Variants in HUNK observed in about 807,000 individuals in gnomAD.
The protein encoded by HUNK is hormonally up-regulated neu tumor-associated kinase.
Under a neutral mutation model 61.0 loss-of-function variants are expected in HUNK, and 21 were observed. That is an observed-to-expected ratio of 0.34 (90% CI 0.24 to 0.50). HUNK has a LOEUF of 0.50. HUNK is among the 20% of genes least tolerant of loss of function. The pLI is 0.98. For synonymous variants in HUNK, 371 were observed against 386.1 expected (o/e 0.96, Z 0.46); for missense variants, 772 against 945.7 (o/e 0.82, Z 2.41).
At chr21:31,917,691 AACATACACACACACACACAC>A (rs1178241811) in intron 1 of HUNK, among the ~76,000 whole-genome samples, 1,329 of 54,640 alleles carry the variant, frequency 0.024, 25 homozygotes, top group African/African-American at 0.074. Context: ...CCCATTCCCA[AACATACACACACACACACAC>A]ACACACACAC....
chr21:31,932,124 CAT>C (rs2052702376), intron 2 of HUNK, among the ~76,000 whole-genome samples: 3 of 152,238 alleles, frequency 2.0e-5, no homozygotes, highest in Admixed American at 2.0e-4. Context: ...GTCACATGAA[CAT>C]GTGCTCACAC....
chr21:31,988,385 C>T (rs2053148153), intron 8 of HUNK, among the ~76,000 whole-genome samples: 1 of 152,184 alleles, frequency 6.6e-6, no homozygotes, highest in African/African-American at 2.4e-5. Context: ...TAGGAGGTCT[C>T]CTCTGCAATG....
intron 1 of HUNK, among the ~76,000 whole-genome samples, chr21:31,905,741 TC>T (rs1330958014): frequency 6.6e-6 from 1 of 152,184 alleles, no homozygotes; most frequent in African/African-American, 2.4e-5. Context: ...CATGAATAAA[TC>T]AGGGCAGAGT....
At chr21:31,874,337 C>CGG (rs571520534) in intron 1 of HUNK, among the ~76,000 whole-genome samples, 229 of 39,722 alleles carry the variant, frequency 5.8e-3, no homozygotes, top group African/African-American at 0.016. Flanking sequence ...TGTCGGGGGG[C>CGG]GGGGGGGGCA....
intron 1 of HUNK, among the ~76,000 whole-genome samples, chr21:31,915,087 C>T (rs181078212): frequency 2.0e-3 from 294 of 150,118 alleles, no homozygotes; most frequent in Non-Finnish European, 3.5e-3. Context: ...TGCTTAGTAT[C>T]CAGTGGAGCA....
At chr21:31,946,333 T>C (rs766070253) in intron 4 of HUNK, among the ~76,000 whole-genome samples, 162 bp downstream of exon 4, 11 of 152,186 alleles carry the variant, frequency 7.2e-5, no homozygotes, top group Non-Finnish European at 1.6e-4. Context: ...CTGTTCCTTC[T>C]GTTTTTTTCT....
intron 1 of HUNK, among the ~76,000 whole-genome samples, chr21:31,897,827 C>A (rs995888560): frequency 6.6e-6 from 1 of 152,112 alleles, no homozygotes; most frequent in Admixed American, 6.5e-5. Context: ...GTTTCTTGGG[C>A]TTTGGGTGGA....
At chr21:31,909,505 C>T (rs1367683721) in intron 1 of HUNK, among the ~76,000 whole-genome samples, 2 of 152,142 alleles carry the variant, frequency 1.3e-5, no homozygotes, top group African/African-American at 4.8e-5. Flanking sequence ...GTTAGCATCG[C>T]CAAGATCAGT....
rs368447459 is a variant in HUNK, at chr21:31,953,764, G to A, written c.747-5079G>A. 3.9e-5 allele frequency among the ~76,000 whole-genome samples: 6 copies of A among 152,308 alleles called. No homozygotes were observed. The East Asian group carries it at 1.2e-3, about 29-fold the overall frequency. On this transcript the variant is annotated intron_variant, in intron 4 of 10. Coordinates refer to ENST00000270112, the MANE Select transcript of HUNK (RefSeq NM_014586.2). ...ATGGATGAGAGACCCTAGGATGAGA[G>A]AGGTGGGTCCTCTTTAAGGATTTGT...
At chr21:31,883,030 T>G (rs752202450) in intron 1 of HUNK, among the ~76,000 whole-genome samples, 5 of 152,108 alleles carry the variant, frequency 3.3e-5, no homozygotes, top group Admixed American at 6.5e-5. Context: ...TTTTTTTTTT[T>G]TTGTTATTCT....
chr21:31,932,299 ATG>A (rs2052703927), intron 2 of HUNK, among the ~76,000 whole-genome samples: 1 of 151,936 alleles, frequency 6.6e-6, no homozygotes, highest in Admixed American at 6.5e-5. Flanking sequence ...GATCACCTGT[ATG>A]TTTGTCATGG....
Position 31,958,929 on chromosome 21 carries a change from T to G in HUNK, c.833T>G (p.Val278Gly), listed in dbSNP as rs994241098. ...CTGAGGGCTTTGTACCAGAAGATGG[T>G]AGACAAAGAAATGAACCCCCTCCCC... Reference protein sequence around the residue: ...FSLRALYQKMVDKEMNPLPTQ... With the variant: ...FSLRALYQKMGDKEMNPLPTQ... The change falls in exon 5 of 11, where the codon GTA (valine) becomes GGA (glycine). Residue 278 changes from valine to glycine, a missense_variant. This residue lies in a region of HUNK where 359 missense variants were observed against 501.3 expected (regional missense o/e 0.72). Transcript: ENST00000270112. 2 of 1,610,028 alleles carry G rather than the reference T, an allele frequency of 1.2e-6. No individual in the cohort carries two copies. Among genetic ancestry groups the G allele is most frequent in the Non-Finnish European group, 1.7e-6 (2 of 1,178,634 alleles).
intron 2 of HUNK, among the ~76,000 whole-genome samples, chr21:31,935,153 C>T (rs1453732090): frequency 6.6e-6 from 1 of 152,174 alleles, no homozygotes; most frequent in Non-Finnish European, 1.5e-5. Context: ...CCACAGTGAA[C>T]TGCCTGAGTG....
chr21:31,936,111 C>T (rs977312914), intron 2 of HUNK, among the ~76,000 whole-genome samples: 2 of 152,124 alleles, frequency 1.3e-5, no homozygotes, highest in Admixed American at 6.5e-5. Flanking sequence ...TTCTTTTTAT[C>T]ACTGAATATG....
intron 1 of HUNK, among the ~76,000 whole-genome samples, chr21:31,886,689 C>T (rs916502487): frequency 1.1e-4 from 17 of 150,886 alleles, no homozygotes; most frequent in South Asian, 2.1e-4. Flanking sequence ...GAGACAGTTC[C>T]GCTCTTGTTG....
At chr21:31,879,183 C>T (rs986178859) in intron 1 of HUNK, among the ~76,000 whole-genome samples, 1 of 152,182 alleles carries the variant, frequency 6.6e-6, no homozygotes, top group Admixed American at 6.5e-5. Flanking sequence ...ATTTCTGAAA[C>T]AAACAGGTGC....
chr21:31,975,693 A>G (rs985170161), intron 7 of HUNK, among the ~76,000 whole-genome samples: 4 of 152,204 alleles, frequency 2.6e-5, no homozygotes, highest in Non-Finnish European at 5.9e-5. Flanking sequence ...ATAGCCCAAT[A>G]TGTCACCAAA....
rs375863637 is a variant in HUNK, at chr21:31,973,388, TG to T, written c.1011-1166del. On this transcript the variant is annotated intron_variant, in intron 6 of 10. Transcript: ENST00000270112. ...GTTCTTATTGTTCAATTCCCACCTATGAGTGAGAAGATGCGGTGTTTGGTTT... is the reference window on the plus strand; with the variant it reads ...GTTCTTATTGTTCAATTCCCACCTATAGTGAGAAGATGCGGTGTTTGGTTT... 9.1e-4 allele frequency among the ~76,000 whole-genome samples: 138 copies of T among 152,304 alleles called. 2 individuals are homozygous for T. In the South Asian group the frequency reaches 0.027, roughly 30 times the overall value.
At chr21:31,994,734 A>G (rs931352309) in intron 9 of HUNK, among the ~76,000 whole-genome samples, 1 of 152,278 alleles carries the variant, frequency 6.6e-6, no homozygotes, top group African/African-American at 2.4e-5. Flanking sequence ...ATAACTATTT[A>G]TTAAGCTTTC....
Sources: gnomAD v4.1 joint callset for allele counts (sites outside exome capture counted in the v4.1 genomes callset) on GRCh38, gnomAD v4.1.1 for gene constraint, gnomAD v4.1.1 regional missense constraint, MANE v1.5 for transcripts, NCBI Gene and HGNC (gene_info 2026-07-23, HGNC 2026-07-21) for gene names.